Variants in SEC24B observed in about 807,000 individuals in gnomAD.
SEC24B encodes the protein SEC24 homolog B, COPII component.
A neutral mutation model predicts 142.8 loss-of-function variants in SEC24B; 45 were observed. That is an observed-to-expected ratio of 0.32 (90% CI 0.25 to 0.40). The LOEUF is 0.40. SEC24B is among the 10% of genes least tolerant of loss of function. The pLI, the probability that SEC24B is intolerant of heterozygous loss-of-function variation, is 1.00. For synonymous variants in SEC24B, 574 were observed against 568.2 expected (o/e 1.01, Z -0.15); for missense variants, 1,409 against 1,526.8 (o/e 0.92, Z 1.29).
chr4:109,433,828 C>A lies in SEC24B; in HGVS notation c.-42C>A. The A allele has an allele frequency of 8.0e-7, 1 of 1,248,978 alleles. No individual in the cohort carries two copies. Among genetic ancestry groups the A allele is most frequent in the Non-Finnish European group, 1.0e-6 (1 of 994,682 alleles). The allele number at this position is 1,248,978 out of a possible 1,614,324, so 77.4% of individuals were successfully genotyped here. A position where few individuals can be genotyped will look rare whatever the true frequency, so the allele number is the denominator to read the frequency against. On this transcript the variant is annotated 5_prime_UTR_variant, in exon 1 of 24. Transcript: ENST00000265175. ...CGGCCCCGCCTTCCCTTCCCTCCGC[C>A]CACCTCCCTGAAGCGGAGCCGCCGT... is the stretch of plus-strand genomic sequence containing the variant.
At chr4:109,518,272 C>G (rs1723196496) in intron 11 of SEC24B, among the ~76,000 whole-genome samples, 1 of 152,158 alleles carries the variant, frequency 6.6e-6, no homozygotes, top group Non-Finnish European at 1.5e-5. Context: ...AGCCCCTCAT[C>G]TAGCTTTAAA....
chr4:109,477,029 T>C (rs1041731872), intron 3 of SEC24B, among the ~76,000 whole-genome samples: 5 of 149,232 alleles, frequency 3.4e-5, no homozygotes, highest in African/African-American at 1.2e-4. Context: ...CCCAGCTACT[T>C]GGGAGGCTGA....
rs771920625 is a variant in SEC24B, at chr4:109,463,647, A to C, written c.877+3A>C. 3 of 1,603,576 alleles carry C rather than the reference A, an allele frequency of 1.9e-6. No homozygotes were observed. Among genetic ancestry groups the C allele is most frequent in the East Asian group, 2.2e-5 (1 of 44,682 alleles). On this transcript the variant is annotated splice_donor_region_variant and intron_variant, in intron 2 of 23. Transcript: ENST00000265175. ...GAACAACAACCCAACCATTACTGGT[A>C]GGTTGAATGAAAAGTTCACCAAAAC...
chr4:109,467,526 T>C (rs1411934278), intron 2 of SEC24B, among the ~76,000 whole-genome samples: 1 of 152,126 alleles, frequency 6.6e-6, no homozygotes, highest in Admixed American at 6.5e-5. Context: ...AGATAATAAG[T>C]ACAGAAGCTC....
In SEC24B at chr4:109,530,363, T is replaced by A. The variant is rs763390323; in HGVS notation, c.3151T>A (p.Ser1051Thr). 106 of 1,614,074 alleles carry A rather than the reference T, an allele frequency of 6.6e-5. No homozygotes were observed. Among genetic ancestry groups the A allele is most frequent in the Non-Finnish European group, 8.7e-5 (103 of 1,180,026 alleles). ...AGTGAATGCTGTAGTGGACTCATTGTCTGCATATGGCTCAACTGTCTCAAA... is the reference window on the plus strand; with the variant it reads ...AGTGAATGCTGTAGTGGACTCATTGACTGCATATGGCTCAACTGTCTCAAA... Reference protein sequence around the residue: ...ALVNAVVDSLSAYGSTVSNLQ... With the variant: ...ALVNAVVDSLTAYGSTVSNLQ... The change falls in exon 19 of 24, where the codon TCT becomes ACT. Residue 1051 changes from serine (S) to threonine (T), a missense_variant. Physicochemically the swap from Ser to Thr is moderately conservative, Grantham distance 58 (BLOSUM62 1). This residue lies in a region of SEC24B where 700 missense variants were observed against 853.3 expected (regional missense o/e 0.82). Transcript: ENST00000265175.
chr4:109,452,963 C>G (rs996096489), intron 1 of SEC24B, among the ~76,000 whole-genome samples: 26 of 152,230 alleles, frequency 1.7e-4, no homozygotes, highest in African/African-American at 6.3e-4. Flanking sequence ...TTCTGTTTCC[C>G]TAAGTGTCAG....
intron 14 of SEC24B, 146 bp from the exon 15 acceptor site, chr4:109,524,672 T>C (rs1425507568): frequency 4.4e-6 from 2 of 459,476 alleles, no homozygotes; most frequent in Admixed American, 8.0e-5. Flanking sequence ...ATTATTATTA[T>C]CATAGGGAAT....
chr4:109,438,462 T>A (rs1728620453), intron 1 of SEC24B, among the ~76,000 whole-genome samples: 1 of 152,120 alleles, frequency 6.6e-6, no homozygotes, highest in South Asian at 2.1e-4. Context: ...TATAGGTGTG[T>A]GACACCATAC....
Position 109,513,761 on chromosome 4 carries a change from A to G in SEC24B, c.1918A>G (p.Met640Val). The G allele has an allele frequency of 1.2e-6, 2 of 1,609,520 alleles. No homozygotes were observed. The highest frequency in any genetic ancestry group is 1.7e-6 in the Non-Finnish European group (2 of 1,176,010). The change falls in exon 10 of 24, where the codon ATG (methionine) becomes GTG (valine). Residue 640 changes from methionine (M) to valine (V), a missense_variant. Met to Val is a conservative substitution (Grantham distance 21). Transcript: ENST00000265175. ...YRVNDVPEEF[M>V]YNPLTRSYGE... ...CTCTTATCTAGTTCCTGAAGAATTT[A>G]TGTATAACCCCCTTACCCGATCTTA...
Position 109,483,040 on chromosome 4 carries a change from A to ATATT in SEC24B, c.1165+1262_1165+1263insTTAT, listed in dbSNP as rs1217129099. Among the ~76,000 whole-genome samples the ATATT allele has an allele frequency of 3.9e-3, 326 of 82,840 alleles. 6 individuals are homozygous for ATATT. In the African/African-American group the frequency reaches 0.046, roughly 12 times the overall value. 54.3% of individuals were successfully genotyped at this position (82,840 alleles called of 152,430 possible). A position where few individuals can be genotyped will look rare whatever the true frequency, so the allele number is the denominator to read the frequency against. On this transcript the variant is annotated intron_variant, in intron 4 of 23. Coordinates refer to ENST00000265175, the MANE Select transcript of SEC24B (RefSeq NM_006323.5). ...ATGTTTTTTATATATGTATTTATAT[A>ATATT]TATGTATTTATGTATTTATATATAT...
intron 6 of SEC24B, among the ~76,000 whole-genome samples, chr4:109,502,519 T>G (rs1054390168): frequency 1.3e-5 from 2 of 152,142 alleles, no homozygotes; most frequent in African/African-American, 2.4e-5. Flanking sequence ...AGATAAGAGA[T>G]AACTTTTTAT....
At chr4:109,476,936 G>A (rs1274067240) in intron 3 of SEC24B, among the ~76,000 whole-genome samples, 2 of 151,820 alleles carry the variant, frequency 1.3e-5, no homozygotes, top group African/African-American at 4.8e-5. Context: ...AGGAGATCGA[G>A]ACCATCCCGG....
Position 109,539,794 on chromosome 4 carries a change from A to C in SEC24B, c.*119A>C, listed in dbSNP as rs763453909. On this transcript the variant is annotated 3_prime_UTR_variant, in exon 24 of 24. Transcript: ENST00000265175. The stretch of plus-strand genomic sequence containing the variant: ...GTTAATACAAGATGCAACGCACAGC[A>C]CTCTGTCTGAGGCTTTGGTAAAAAG... 2 of 654,070 alleles carry C rather than the reference A, an allele frequency of 3.1e-6. No homozygotes were observed. Among genetic ancestry groups the C allele is most frequent in the African/African-American group, 1.8e-5 (1 of 54,486 alleles). 40.5% of individuals were successfully genotyped at this position (654,070 alleles called of 1,614,324 possible).
intron 10 of SEC24B, 40 bp from the exon 11 acceptor site, chr4:109,516,488 G>A (rs773114673): frequency 9.8e-6 from 12 of 1,227,568 alleles, no homozygotes. Flanking sequence ...AGAATAAATT[G>A]TACCTACCAA....
intron 1 of SEC24B, among the ~76,000 whole-genome samples, chr4:109,435,303 A>T (rs1345675525): frequency 6.6e-6 from 1 of 152,210 alleles, no homozygotes; most frequent in African/African-American, 2.4e-5. Flanking sequence ...TCGCTTTTGG[A>T]TATAAACCTG....
At chr4:109,499,263 G>C (rs997931765) in intron 6 of SEC24B, among the ~76,000 whole-genome samples, 11 of 152,128 alleles carry the variant, frequency 7.2e-5, no homozygotes, top group African/African-American at 1.2e-4. Context: ...TTGTTTAACA[G>C]TATAAGAAGA....
At chr4:109,447,804 A>G (rs545366119) in intron 1 of SEC24B, among the ~76,000 whole-genome samples, 93 of 152,262 alleles carry the variant, frequency 6.1e-4, no homozygotes, top group African/African-American at 2.2e-3. Flanking sequence ...GGTGGCTTCA[A>G]ACAACATGAA....
chr4:109,480,692 G>T (rs1005743613), intron 3 of SEC24B, among the ~76,000 whole-genome samples: 4 of 152,116 alleles, frequency 2.6e-5, no homozygotes, highest in Non-Finnish European at 5.9e-5. Flanking sequence ...TGTTGGCCAG[G>T]ATGGTCTCGA....
intron 1 of SEC24B, among the ~76,000 whole-genome samples, chr4:109,437,923 C>T (rs1728567426): frequency 6.6e-6 from 1 of 152,122 alleles, no homozygotes; most frequent in South Asian, 2.1e-4. Flanking sequence ...GTGCCTGGCC[C>T]ACAAACGTTT....
Sources: allele counts gnomAD v4.1 joint callset (sites outside exome capture counted in the v4.1 genomes callset), GRCh38; gene constraint gnomAD v4.1.1; regional missense constraint gnomAD v4.1.1; transcripts MANE v1.5; gene names NCBI Gene and HGNC (gene_info 2026-07-23, HGNC 2026-07-21).